SCAPER: variants seen among roughly 807,000 people sequenced by gnomAD.
SCAPER encodes the protein S phase cyclin A-associated protein in the endoplasmic reticulum.
A neutral mutation model predicts 182.2 loss-of-function variants in SCAPER; 98 were observed. The ratio of observed to expected loss-of-function variants is 0.54; its 90% CI spans 0.46 to 0.64. SCAPER has a LOEUF of 0.64. Ranked by LOEUF, SCAPER falls within the 30% of genes least tolerant of loss-of-function variation. The pLI, the probability that SCAPER is intolerant of heterozygous loss-of-function variation, is 0.00. For synonymous variants in SCAPER, 605 were observed against 564.6 expected (o/e 1.07, Z -1.01); for missense variants, 1,432 against 1,690.0 (o/e 0.85, Z 2.68).
chr15:76,674,533 T>G (rs556008743), intron 20 of SCAPER, among the ~76,000 whole-genome samples: 57 of 152,268 alleles, frequency 3.7e-4, no homozygotes, highest in Non-Finnish European at 6.2e-4. Context: ...GAATGCATAC[T>G]CGGTGTTTTA....
intron 24 of SCAPER, among the ~76,000 whole-genome samples, chr15:76,474,377 T>C (rs544918840): frequency 5.9e-5 from 9 of 152,320 alleles, no homozygotes; most frequent in African/African-American, 1.2e-4. Flanking sequence ...GACCTTGTTA[T>C]ACTTGTAATC....
At chr15:76,796,918 T>C (rs1236399611) in intron 7 of SCAPER, among the ~76,000 whole-genome samples, 1 of 152,172 alleles carries the variant, frequency 6.6e-6, no homozygotes, top group East Asian at 1.9e-4. Flanking sequence ...AAGCAAAAGT[T>C]AGATTCTATT....
chr15:76,367,686 C>T (rs561160312), intron 29 of SCAPER, among the ~76,000 whole-genome samples: 6 of 152,080 alleles, frequency 3.9e-5, no homozygotes, highest in South Asian at 2.1e-4. Flanking sequence ...TGTGAGCATG[C>T]GGCACTTTGA....
intron 23 of SCAPER, among the ~76,000 whole-genome samples, chr15:76,550,594 T>A (rs902090378): frequency 6.6e-6 from 1 of 152,228 alleles, no homozygotes; most frequent in Non-Finnish European, 1.5e-5. Flanking sequence ...CAGTCTATCA[T>A]TGATGGGCAT....
intron 21 of SCAPER, among the ~76,000 whole-genome samples, chr15:76,640,054 T>A (rs773663816): frequency 3.3e-5 from 5 of 152,050 alleles, no homozygotes; most frequent in Non-Finnish European, 7.4e-5. Flanking sequence ...TCAAAAGGAG[T>A]AAACGATTTA....
At chr15:76,852,089 A>C (rs1043188031) in intron 4 of SCAPER, among the ~76,000 whole-genome samples, 25 of 151,820 alleles carry the variant, frequency 1.6e-4, no homozygotes, top group African/African-American at 5.8e-4. Context: ...AAAAAAAGAC[A>C]AAAAAAAGGG....
chr15:76,373,221 T>C (rs912124735), intron 29 of SCAPER, among the ~76,000 whole-genome samples: 4 of 152,056 alleles, frequency 2.6e-5, no homozygotes, highest in African/African-American at 9.7e-5. Context: ...CTAATTTCTG[T>C]ATTTTTAGTA....
intron 15 of SCAPER, among the ~76,000 whole-genome samples, chr15:76,744,782 G>A (rs2151134820): frequency 6.6e-6 from 1 of 152,122 alleles, no homozygotes; most frequent in Admixed American, 6.5e-5. Context: ...CCATTACTGG[G>A]GATATACCCA....
intron 20 of SCAPER, among the ~76,000 whole-genome samples, chr15:76,699,491 T>C (rs752698987): frequency 9.2e-5 from 14 of 152,220 alleles, no homozygotes; most frequent in Non-Finnish European, 1.5e-4. Context: ...CCTTTCATCT[T>C]CGAAATTGCT....
chr15:76,423,976 T>C (rs1218416655), intron 26 of SCAPER, among the ~76,000 whole-genome samples: 2 of 152,232 alleles, frequency 1.3e-5, no homozygotes, highest in Non-Finnish European at 2.9e-5. Flanking sequence ...TGCACTGTGG[T>C]CTGAGAGACA....
At chr15:76,415,743 C>T (rs935689349) in intron 26 of SCAPER, among the ~76,000 whole-genome samples, 25 of 151,990 alleles carry the variant, frequency 1.6e-4, no homozygotes, top group African/African-American at 6.0e-4. Context: ...TATACACAAA[C>T]TCTTAACAGT....
At chr15:76,706,608 C>T (rs2059274618) in intron 17 of SCAPER, among the ~76,000 whole-genome samples, 2 of 152,114 alleles carry the variant, frequency 1.3e-5, no homozygotes, top group Admixed American at 1.3e-4. Flanking sequence ...GAAGAGATTA[C>T]TCCCTAGAGG....
At chr15:76,428,058 C>A (rs1261567264) in intron 26 of SCAPER, among the ~76,000 whole-genome samples, 2 of 151,956 alleles carry the variant, frequency 1.3e-5, no homozygotes, top group Admixed American at 1.3e-4. Flanking sequence ...CATAATCATG[C>A]CACTGCACTC....
chr15:76,829,462 C>G (rs2068271546), intron 5 of SCAPER, among the ~76,000 whole-genome samples: 1 of 152,172 alleles, frequency 6.6e-6, no homozygotes, highest in Admixed American at 6.5e-5. Context: ...ACTCACTCCT[C>G]CATGTCCAAG....
intron 24 of SCAPER, among the ~76,000 whole-genome samples, chr15:76,475,297 A>G (rs1398496702): frequency 6.6e-6 from 1 of 151,622 alleles, no homozygotes; most frequent in Non-Finnish European, 1.5e-5. Flanking sequence ...ACAGTTCTCC[A>G]TGACATCTAA....
intron 8 of SCAPER, among the ~76,000 whole-genome samples, chr15:76,781,897 A>G (rs990654660): frequency 2.0e-5 from 3 of 152,252 alleles, no homozygotes; most frequent in Non-Finnish European, 2.9e-5. Flanking sequence ...AGAACTAAAC[A>G]TGGAAAAGAA....
Position 76,514,443 on chromosome 15 carries a change from G to A in SCAPER, c.2839-9469C>T, listed in dbSNP as rs561193326. 1.2e-4 allele frequency among the ~76,000 whole-genome samples: 18 copies of A among 152,174 alleles called. No homozygotes were observed. The South Asian group carries it at 3.7e-3, about 31-fold the overall frequency. ...GGAATCCATCCAATTATTAACTAGAGTAACTGTTATTACCTCTCCCAATCA... is the reference window on the plus strand; with the variant it reads ...GGAATCCATCCAATTATTAACTAGAATAACTGTTATTACCTCTCCCAATCA... On this transcript the variant is annotated intron_variant, in intron 23 of 31. Transcript: ENST00000563290.
At chr15:76,694,285 T>C (rs2058534312) in intron 20 of SCAPER, among the ~76,000 whole-genome samples, 1 of 152,140 alleles carries the variant, frequency 6.6e-6, no homozygotes, top group East Asian at 1.9e-4. Context: ...TCTTACAGTT[T>C]TCAGTGAAAA....
chr15:76,564,101 G>A (rs1002041254), intron 23 of SCAPER, among the ~76,000 whole-genome samples: 3 of 151,982 alleles, frequency 2.0e-5, no homozygotes, highest in African/African-American at 7.2e-5. Flanking sequence ...CTTGAAAGCC[G>A]GCACAAGACA....
Sources: gnomAD v4.1 joint callset for allele counts (sites outside exome capture counted in the v4.1 genomes callset) on GRCh38, gnomAD v4.1.1 for gene constraint, MANE v1.5 for transcripts, NCBI Gene and HGNC (gene_info 2026-07-23, HGNC 2026-07-21) for gene names.